Variants in KIAA2012 observed in about 807,000 individuals in gnomAD.
KIAA2012 encodes uncharacterized protein KIAA2012.
Under a neutral mutation model 150.6 loss-of-function variants are expected in KIAA2012, and 125 were observed. The observed-to-expected ratio is 0.83, with a 90% CI of 0.72 to 0.96. The LOEUF (loss-of-function observed/expected upper bound fraction) is 0.96. Among genes scored for constraint, KIAA2012 ranks in the 40% least tolerant of loss-of-function variants. The pLI is 0.00. For missense variants in KIAA2012, 1,219 were observed against 1,354.9 expected, an observed-to-expected ratio of 0.90 and a Z score of 1.57; for synonymous variants, 462 against 504.7, an observed-to-expected ratio of 0.92 and a Z score of 1.13.
chr2:202,083,538 A>T (rs533378287), intron 2 of KIAA2012, among the ~76,000 whole-genome samples: 1 of 152,350 alleles, frequency 6.6e-6, no homozygotes, highest in East Asian at 1.9e-4. Flanking sequence ...GGGCTAGGAG[A>T]TGCCAGCTGT....
chr2:202,130,302 A>G (rs1418165106), intron 12 of KIAA2012, among the ~76,000 whole-genome samples: 1 of 152,178 alleles, frequency 6.6e-6, no homozygotes, highest in Non-Finnish European at 1.5e-5. Context: ...TCACAAATCT[A>G]AGGATTCTTA....
rs935445030 is a variant in KIAA2012 at position 202,188,233 on chromosome 2, G to C, written c.2458G>C (p.Gly820Arg). Residue 820 changes from glycine to arginine, a missense_variant, in exon 18 of 24, where the codon GGA becomes CGA. Coordinates refer to ENST00000498697, the MANE Select transcript of KIAA2012 (RefSeq NM_001277372.4). ...KTKGPKSERE[G>R]KVYGQAEAAI... Reference sequence around the variant, plus strand: ...CAAAGGACCCAAAAGCGAGAGAGAAGGAAAGGTCTACGGGCAAGCAGAGGC... The same window carrying C: ...CAAAGGACCCAAAAGCGAGAGAGAACGAAAGGTCTACGGGCAAGCAGAGGC... The C allele has an allele frequency of 4.5e-6, 7 of 1,550,312 alleles. No homozygotes were observed. Among genetic ancestry groups the C allele is most frequent in the South Asian group, 1.2e-5 (1 of 84,038 alleles).
intron 13 of KIAA2012, among the ~76,000 whole-genome samples, chr2:202,151,260 G>C (rs994391573): frequency 6.6e-6 from 1 of 152,076 alleles, no homozygotes; most frequent in African/African-American, 2.4e-5. Context: ...AGCCGGGCAT[G>C]GTGGCACACA....
chr2:202,075,701 C>T (rs1689310171), intron 2 of KIAA2012, among the ~76,000 whole-genome samples: 1 of 152,222 alleles, frequency 6.6e-6, no homozygotes, highest in African/African-American at 2.4e-5. Flanking sequence ...CTGATTCATA[C>T]TTCCTAATGT....
intron 5 of KIAA2012, among the ~76,000 whole-genome samples, chr2:202,097,781 G>A (rs541755775): frequency 1.3e-4 from 19 of 151,984 alleles, no homozygotes; most frequent in Admixed American, 3.3e-4. Context: ...GTGGAGATGG[G>A]GTTTCACAAT....
intron 10 of KIAA2012, among the ~76,000 whole-genome samples, chr2:202,110,864 A>T (rs1268498897): frequency 6.6e-6 from 1 of 152,176 alleles, no homozygotes; most frequent in Non-Finnish European, 1.5e-5. Flanking sequence ...TTAAATCCAC[A>T]GATTAATAGT....
intron 19 of KIAA2012, among the ~76,000 whole-genome samples, chr2:202,192,099 G>A (rs1692334569): frequency 6.6e-6 from 1 of 152,066 alleles, no homozygotes; most frequent in African/African-American, 2.4e-5. Flanking sequence ...CACACAATTC[G>A]GCTCTGCACA....
In KIAA2012 at chr2:202,190,375, A is replaced by G; in HGVS notation, c.2693A>G (p.Lys898Arg). Residue 898 changes from lysine (K) to arginine (R), a missense_variant, in exon 19 of 24, where the codon AAA becomes AGA. Lys to Arg is a conservative substitution (Grantham distance 26). Transcript: ENST00000498697. ...SFVEDPWLSP[K>R]YDAQESQVSL... ...GTAGAGGACCCTTGGCTTTCTCCCAAATATGATGCCCAGGAAAGCCAAGTT... is the reference window on the plus strand; with the variant it reads ...GTAGAGGACCCTTGGCTTTCTCCCAGATATGATGCCCAGGAAAGCCAAGTT... The G allele has an allele frequency of 5.2e-6, 8 of 1,550,714 alleles. No homozygotes were observed. The highest frequency in any genetic ancestry group is 7.0e-6 in the Non-Finnish European group (8 of 1,147,008).
intron 11 of KIAA2012, 198 bp downstream of exon 11, chr2:202,113,644 T>C (rs950000634): frequency 2.0e-5 from 11 of 560,282 alleles, no homozygotes; most frequent in African/African-American, 1.9e-4. Context: ...ACAAGTTTAC[T>C]CTTGCTGGAG....
chr2:202,203,801 G>A (rs1574322365), intron 23 of KIAA2012, among the ~76,000 whole-genome samples: 1 of 146,670 alleles, frequency 6.8e-6, no homozygotes, highest in African/African-American at 2.5e-5. Flanking sequence ...ACGGAGTCTC[G>A]CTCTGTCGCC....
At chr2:202,184,381 C>T (rs1692182646) in intron 15 of KIAA2012, among the ~76,000 whole-genome samples, 1 of 98,082 alleles carries the variant, frequency 1.0e-5, no homozygotes, top group Non-Finnish European at 2.1e-5. Context: ...AAGACTCCGT[C>T]TCAAAAAAAA....
At chr2:202,126,822 C>A (rs921475410) in intron 12 of KIAA2012, among the ~76,000 whole-genome samples, 2 of 151,940 alleles carry the variant, frequency 1.3e-5, no homozygotes, top group African/African-American at 4.8e-5. Flanking sequence ...AGTGACTTGC[C>A]CAAGGTCACA....
intron 10 of KIAA2012, among the ~76,000 whole-genome samples, chr2:202,112,487 G>A (rs1690392592): frequency 6.6e-6 from 1 of 152,242 alleles, no homozygotes; most frequent in South Asian, 2.1e-4. Context: ...CCCAAGGAGA[G>A]GGAGGATTGT....
chr2:202,163,104 CTT>C (rs11435434), intron 14 of KIAA2012, among the ~76,000 whole-genome samples: 3 of 130,242 alleles, frequency 2.3e-5, no homozygotes, highest in Admixed American at 8.4e-5. Flanking sequence ...CATGTATATT[CTT>C]TTTTTTTTTT....
At chr2:202,152,702 A>G (rs1691452670) in intron 13 of KIAA2012, among the ~76,000 whole-genome samples, 1 of 152,240 alleles carries the variant, frequency 6.6e-6, no homozygotes, top group African/African-American at 2.4e-5. Flanking sequence ...GGCTGAGATG[A>G]TAAAAAAATT....
Position 202,196,878 on chromosome 2 carries a change from A to G in KIAA2012, c.3266A>G (p.Glu1089Gly), listed in dbSNP as rs761308753. The change falls in exon 22 of 24, where the codon GAG becomes GGG. Residue 1089 changes from glutamate (E) to glycine (G), a missense_variant. By Grantham distance (98) the Glu-to-Gly change is moderately conservative (BLOSUM62 -2). Coordinates refer to ENST00000498697, the MANE Select transcript of KIAA2012 (RefSeq NM_001277372.4). ...EQKHLMEMAEEERLEYQRRKQ... is the reference protein window; with the variant it reads ...EQKHLMEMAEGERLEYQRRKQ... ...AAACACCTGATGGAAATGGCTGAAGAGGAACGACTGGAGTACCAGCGGCGG... is the reference window on the plus strand; with the variant it reads ...AAACACCTGATGGAAATGGCTGAAGGGGAACGACTGGAGTACCAGCGGCGG... 1 of 1,550,754 alleles carries G rather than the reference A, an allele frequency of 6.4e-7. No homozygotes were observed. Among genetic ancestry groups the G allele is most frequent in the South Asian group, 1.2e-5 (1 of 84,058 alleles).
At chr2:202,179,298 G>A in intron 15 of KIAA2012, 2 of 1,191,772 alleles carry the variant, frequency 1.7e-6, no homozygotes, top group Non-Finnish European at 2.5e-6. Context: ...GGTAAAGATG[G>A]CGGAGCGCGG....
At chr2:202,183,641 T>C (rs35529205) in intron 15 of KIAA2012, among the ~76,000 whole-genome samples, 15,133 of 151,860 alleles carry the variant, frequency 0.1, 978 homozygotes, top group Non-Finnish European at 0.13. Context: ...GTAGCAGGGA[T>C]CACAGGCATG....
chr2:202,152,285 A>T (rs1246269498), intron 13 of KIAA2012, among the ~76,000 whole-genome samples: 1 of 152,166 alleles, frequency 6.6e-6, no homozygotes, highest in African/African-American at 2.4e-5. Flanking sequence ...GTTAGAATTG[A>T]TGGCCTCTGA....
Sources: allele counts gnomAD v4.1 joint callset (sites outside exome capture counted in the v4.1 genomes callset), GRCh38; gene constraint gnomAD v4.1.1; transcripts MANE v1.5; gene names NCBI Gene and HGNC (gene_info 2026-07-23, HGNC 2026-07-21).